TRAF1: variants seen among roughly 807,000 people sequenced by gnomAD.
TRAF1 encodes TNF receptor associated factor 1.
In TRAF1, 23 loss-of-function variants were observed where a neutral mutation model predicts 40.9. The observed-to-expected ratio is 0.56, with a 90% confidence interval of 0.40 to 0.80. TRAF1 has a LOEUF of 0.80. Ranked by LOEUF, TRAF1 falls within the 30% of genes least tolerant of loss-of-function variation. TRAF1 has a pLI of 0.00. For missense variants in TRAF1, 477 were observed against 528.7 expected (o/e 0.90, Z 0.96); for synonymous variants, 206 against 218.8 (o/e 0.94, Z 0.52).
intron 3 of TRAF1, among the ~76,000 whole-genome samples, chr9:120,914,734 C>T (rs898529809): frequency 6.6e-6 from 1 of 152,198 alleles, no homozygotes; most frequent in Non-Finnish European, 1.5e-5. Flanking sequence ...GAATCTTGGG[C>T]TCACAATTCC....
chr9:120,926,227 C>T lies in TRAF1; in HGVS notation c.-152G>A. On this transcript the variant is annotated 5_prime_UTR_variant, in exon 2 of 8. In the 5' UTR this introduces an upstream ATG that the reference lacks. Transcript: ENST00000373887. ...CTCTGGCTTGTGTGGTTCAACGTCA[C>T]AGCTGAGTCACAGCAGGGATGGAGC... 1.2e-6 allele frequency: 1 copy of T among 808,436 alleles called. No homozygotes were observed. Among genetic ancestry groups the T allele is most frequent in the Non-Finnish European group, 1.8e-6 (1 of 554,704 alleles). The allele number at this position is 808,436 out of a possible 1,614,324, so 50.1% of individuals were successfully genotyped here. A position where few individuals can be genotyped will look rare whatever the true frequency, so the allele number is the denominator to read the frequency against.
Position 120,905,135 on chromosome 9 carries a change from T to G in TRAF1, c.1136A>C (p.Asn379Thr). Reference protein sequence around the residue: ...ASFQRPQSETNVASGCPLFFP... With the variant: ...ASFQRPQSETTVASGCPLFFP... ...GAAGAGTGGGCATCCACTGGCCACG[T>G]TGGTTTCACTCTGGGGCCTCTGGAA... The change falls in exon 8 of 8, where the codon AAC (asparagine) becomes ACC (threonine). Residue 379 changes from asparagine (N) to threonine (T), a missense_variant. By Grantham distance (65) the Asn-to-Thr change is moderately conservative. Coordinates refer to ENST00000373887, the MANE Select transcript of TRAF1 (RefSeq NM_005658.5). 1 of 1,614,250 alleles carries G rather than the reference T, an allele frequency of 6.2e-7. No homozygotes were observed. The highest frequency in any genetic ancestry group is 8.5e-7 in the Non-Finnish European group (1 of 1,180,040).
rs138447741 is a variant in TRAF1, at chr9:120,913,648, G to A, written c.385C>T (p.Arg129Trp). Residue 129 changes from arginine (R) to tryptophan (W), a missense_variant, in exon 5 of 8, where the codon CGG becomes TGG. Physicochemically the swap from Arg to Trp is moderately radical, Grantham distance 101. Coordinates refer to ENST00000373887, the MANE Select transcript of TRAF1 (RefSeq NM_005658.5). Reference protein sequence around the residue: ...LLGFMKQWKARLGCGLESGPM... With the variant: ...LLGFMKQWKAWLGCGLESGPM... ...CCAGACTCCAGGCCACAGCCCAGCCGGGCCTTCCACTGTTTCATGAACCCC... is the reference window on the plus strand; with the variant it reads ...CCAGACTCCAGGCCACAGCCCAGCCAGGCCTTCCACTGTTTCATGAACCCC... 672 of 1,613,576 alleles carry A rather than the reference G, an allele frequency of 4.2e-4. 5 individuals carry two copies. In the African/African-American group the frequency reaches 6.2e-3, roughly 15 times the overall value.
chr9:120,919,135 GAGA>G (rs2046588159), intron 3 of TRAF1, among the ~76,000 whole-genome samples: 1 of 152,232 alleles, frequency 6.6e-6, no homozygotes, highest in African/African-American at 2.4e-5. Flanking sequence ...TGCATTGCAG[GAGA>G]AGAACAGAGG....
intron 5 of TRAF1, 142 bp from the exon 6 acceptor site, chr9:120,911,655 C>T (rs1004811567): frequency 1.1e-6 from 1 of 943,688 alleles, no homozygotes; most frequent in Non-Finnish European, 1.5e-6. Context: ...TCTGAATGTG[C>T]TGCCCCCTGC....
At position 120,923,749 on chromosome 9, in the gene TRAF1, G is replaced by A. The variant is rs1468542228; in HGVS notation, c.184C>T (p.Leu62Phe). 1 of 1,613,972 alleles carries A rather than the reference G, an allele frequency of 6.2e-7. No homozygotes were observed. Among genetic ancestry groups the A allele is most frequent in the Non-Finnish European group, 8.5e-7 (1 of 1,180,012 alleles). ...QICPKCRGED[L>F]QSISPGSRLR... is the part of the protein sequence containing the mutation. ...CGGCTTCCTGGGCTTATAGACTGGA[G>A]GTCTTCCCCTCTGCATTTGGGGCAG... The change falls in exon 3 of 8, where the codon CTC becomes TTC. Residue 62 changes from leucine (L) to phenylalanine (F), a missense_variant. Transcript: ENST00000373887.
intron 2 of TRAF1, among the ~76,000 whole-genome samples, chr9:120,924,121 G>A (rs1267349679): frequency 6.6e-6 from 1 of 152,142 alleles, no homozygotes; most frequent in Non-Finnish European, 1.5e-5. Context: ...CGCATTCCCT[G>A]CCACAATTAC....
chr9:120,913,800 G>C lies in TRAF1; in HGVS notation c.295-62C>G. 6 of 1,482,894 alleles carry C rather than the reference G, an allele frequency of 4.0e-6. No homozygotes were observed. The South Asian group carries it at 6.8e-5, about 17-fold the overall frequency. 91.9% of individuals were successfully genotyped at this position (1,482,894 alleles called of 1,614,324 possible). ...GTGGAGTGAGGACAGGGGAGCAGTG[G>C]AGTGCCCTGCTATCAAAGGTCACCA... is the stretch of plus-strand genomic sequence containing the variant. On this transcript the variant is annotated intron_variant, in intron 4 of 7. Coordinates refer to ENST00000373887, the MANE Select transcript of TRAF1 (RefSeq NM_005658.5).
chr9:120,905,868 T>C (rs2046477079), intron 7 of TRAF1, among the ~76,000 whole-genome samples: 2 of 152,234 alleles, frequency 1.3e-5, no homozygotes, highest in Admixed American at 1.3e-4. Flanking sequence ...CGTTGCCAAC[T>C]GAAGCATCCT....
In TRAF1 at chr9:120,905,109, A is replaced by T; in HGVS notation, c.1162T>A (p.Phe388Ile). Residue 388 changes from phenylalanine (F) to isoleucine (I), a missense_variant, in exon 8 of 8, where the codon TTC (phenylalanine) becomes ATC (isoleucine). Physicochemically the swap from Phe to Ile is conservative, Grantham distance 21. Coordinates refer to ENST00000373887, the MANE Select transcript of TRAF1 (RefSeq NM_005658.5). ...TNVASGCPLF[F>I]PLSKLQSPKH... Reference sequence around the variant, plus strand: ...GGTGACTGCAGTTTGCTGAGGGGGAAGAAGAGTGGGCATCCACTGGCCACG... The same window carrying T: ...GGTGACTGCAGTTTGCTGAGGGGGATGAAGAGTGGGCATCCACTGGCCACG... The T allele has an allele frequency of 6.2e-7, 1 of 1,614,230 alleles. No homozygotes were observed. The highest frequency in any genetic ancestry group is 8.5e-7 in the Non-Finnish European group (1 of 1,180,032).
In TRAF1 at chr9:120,905,229, T is replaced by A; in HGVS notation, c.1042A>T (p.Met348Leu). 1.2e-6 allele frequency: 2 copies of A among 1,610,176 alleles called. No homozygotes were observed. Among genetic ancestry groups the A allele is most frequent in the Non-Finnish European group, 1.7e-6 (2 of 1,178,184 alleles). Residue 348 changes from methionine (M) to leucine (L), a missense_variant, in exon 8 of 8, where the codon ATG (methionine) becomes TTG (leucine). Transcript: ENST00000373887. ...PWPFRNKVTF[M>L]LLDQNNREHA... ...TCACGGTTGTTCTGGTCCAGCAGCA[T>A]GAAGGTGACCTGCAGGGAAGGGATA...
At chr9:120,927,367 G>T (rs2046648020), upstream of TRAF1, 1 of 152,196 alleles carries the variant, frequency 6.6e-6, no homozygotes, top group African/African-American at 2.4e-5. Context: ...TGGGTCCACT[G>T]CTTACTAACT....
At chr9:120,909,424 A>T in intron 6 of TRAF1, 46 bp from the exon 7 acceptor site, 1 of 1,599,254 alleles carries the variant, frequency 6.3e-7, no homozygotes, top group Non-Finnish European at 8.5e-7. Flanking sequence ...TGGACTTTGC[A>T]GATGTGGGAC....
chr9:120,914,706 C>A (rs2046557518), intron 3 of TRAF1: 2 of 404,012 alleles, frequency 5.0e-6, no homozygotes, highest in Non-Finnish European at 6.7e-6. Context: ...ATGCCTCCCT[C>A]CTCCTGAAGT....
intron 6 of TRAF1, among the ~76,000 whole-genome samples, chr9:120,910,594 G>T (rs1484773005): frequency 1.3e-5 from 2 of 152,106 alleles, no homozygotes; most frequent in Non-Finnish European, 2.9e-5. Context: ...ATGGGATCTT[G>T]TTACGTTGCC....
intron 7 of TRAF1, among the ~76,000 whole-genome samples, chr9:120,906,105 C>T (rs958917060): frequency 6.6e-5 from 10 of 152,038 alleles, no homozygotes; most frequent in African/African-American, 2.4e-4. Context: ...ACCCTCCCCT[C>T]ATGCAATGCT....
In TRAF1 at chr9:120,913,534, C is replaced by G. The variant is rs777432093; in HGVS notation, c.499G>C (p.Ala167Pro). Residue 167 changes from alanine (A) to proline (P), a missense_variant, in exon 5 of 8, where the codon GCA (alanine) becomes CCA (proline). Ala to Pro is a conservative substitution (Grantham distance 27). Coordinates refer to ENST00000373887, the MANE Select transcript of TRAF1 (RefSeq NM_005658.5). ...TCCTCCTGGCTCTCGGAGCAGGGTG[C>G]CCGGTAGCAATCGACCTCCAGGTCC... Reference protein sequence around the residue: ...AGDLEVDCYRAPCSESQEELA... With the variant: ...AGDLEVDCYRPPCSESQEELA... The G allele has an allele frequency of 2.5e-6, 4 of 1,613,764 alleles. No homozygotes were observed. In the South Asian group the frequency reaches 4.4e-5, roughly 18 times the overall value.
In TRAF1 at chr9:120,905,241, G is replaced by T. The variant is rs768054582; in HGVS notation, c.1033-3C>A. On this transcript the variant is annotated splice_region_variant and splice_polypyrimidine_tract_variant and intron_variant, in intron 7 of 7. Transcript: ENST00000373887. The stretch of plus-strand genomic sequence containing the variant: ...TGGTCCAGCAGCATGAAGGTGACCT[G>T]CAGGGAAGGGATAGGTGGGAGATCA... 5.0e-6 allele frequency: 8 copies of T among 1,602,976 alleles called. No individual in the cohort carries two copies. Among genetic ancestry groups the T allele is most frequent in the African/African-American group, 1.3e-5 (1 of 74,708 alleles).
chr9:120,912,498 T>A (rs2046535242), intron 5 of TRAF1, among the ~76,000 whole-genome samples: 1 of 151,664 alleles, frequency 6.6e-6, no homozygotes, highest in Admixed American at 6.6e-5. Context: ...CTACTAAAAA[T>A]ACAAAAAATT....
Sources: gnomAD v4.1 joint callset for allele counts (sites outside exome capture counted in the v4.1 genomes callset) on GRCh38, gnomAD v4.1.1 for gene constraint, MANE v1.5 for transcripts, NCBI Gene and HGNC (gene_info 2026-07-23, HGNC 2026-07-21) for gene names.